TMOD1: variants seen among roughly 807,000 people sequenced by gnomAD.
The protein encoded by TMOD1 is tropomodulin-1.
In TMOD1, 17 loss-of-function variants were observed where a neutral mutation model predicts 40.6. The ratio of observed to expected loss-of-function variants is 0.42; its 90% CI spans 0.29 to 0.63. The LOEUF is 0.63. Among genes scored for constraint, TMOD1 ranks in the 20% least tolerant of loss-of-function variants. The pLI, the probability that TMOD1 is intolerant of heterozygous loss-of-function variation, is 0.22. For missense variants in TMOD1, 391 were observed against 447.6 expected (o/e 0.87, Z 1.14); for synonymous variants, 181 against 175.0 (o/e 1.03, Z -0.27).
chr9:97,505,193 C>T (rs1041556445), intron 1 of TMOD1, among the ~76,000 whole-genome samples: 3 of 152,098 alleles, frequency 2.0e-5, no homozygotes, highest in Admixed American at 6.5e-5. Context: ...CTCAAGCATG[C>T]CTTTTGTTTC....
chr9:97,553,924 T>A (rs531651042), intron 4 of TMOD1, among the ~76,000 whole-genome samples: 1 of 152,264 alleles, frequency 6.6e-6, no homozygotes, highest in Admixed American at 6.5e-5. Context: ...CTTCAAAAAC[T>A]ACCCCCAAAA....
In TMOD1 at chr9:97,600,085, T is replaced by G. The variant is rs933186435; in HGVS notation, c.*387T>G. Reference sequence around the variant, plus strand: ...AAACGGCACACTCTTCCACATGCTTTTGAAGTATTATAAAACACTTTATTA... The same window carrying G: ...AAACGGCACACTCTTCCACATGCTTGTGAAGTATTATAAAACACTTTATTA... On this transcript the variant is annotated 3_prime_UTR_variant, in exon 10 of 10. Transcript: ENST00000259365. The G allele has an allele frequency of 2.9e-5, 30 of 1,026,974 alleles. No homozygotes were observed. The highest frequency in any genetic ancestry group is 3.4e-5 in the Non-Finnish European group (29 of 852,768). 63.6% of individuals were successfully genotyped at this position (1,026,974 alleles called of 1,614,324 possible).
At chr9:97,530,587 A>G (rs564298057) in intron 2 of TMOD1, among the ~76,000 whole-genome samples, 79 of 150,228 alleles carry the variant, frequency 5.3e-4, no homozygotes, top group Admixed American at 2.1e-3. Flanking sequence ...TCCCGGGTCC[A>G]CGCCATTCTC....
At chr9:97,596,956 G>T (rs1256173026) in intron 9 of TMOD1, among the ~76,000 whole-genome samples, 1 of 152,190 alleles carries the variant, frequency 6.6e-6, no homozygotes, top group African/African-American at 2.4e-5. Flanking sequence ...TGTATATCTT[G>T]GTTCCTGTTA....
At chr9:97,556,885 G>C (rs911683886) in intron 4 of TMOD1, among the ~76,000 whole-genome samples, 1 of 152,144 alleles carries the variant, frequency 6.6e-6, no homozygotes, top group Non-Finnish European at 1.5e-5. Context: ...GAGCGGTTCC[G>C]GGCTGGGGAG....
At chr9:97,509,737 A>G (rs879812246) in intron 1 of TMOD1, among the ~76,000 whole-genome samples, 5 of 151,990 alleles carry the variant, frequency 3.3e-5, no homozygotes, top group African/African-American at 7.2e-5. Flanking sequence ...GGGTATACCA[A>G]TGTAACTTCT....
intron 2 of TMOD1, among the ~76,000 whole-genome samples, chr9:97,535,271 G>A (rs537334213): frequency 3.3e-5 from 5 of 152,212 alleles, no homozygotes; most frequent in Admixed American, 2.6e-4. Context: ...TGCTGGTCCC[G>A]GCAAGACTCA....
intron 1 of TMOD1, among the ~76,000 whole-genome samples, chr9:97,505,539 C>T (rs1211291011): frequency 6.6e-6 from 1 of 152,194 alleles, no homozygotes; most frequent in African/African-American, 2.4e-5. Flanking sequence ...CCTTCATAGA[C>T]TCATCGCTGC....
At chr9:97,533,558 C>A (rs1274018341) in intron 2 of TMOD1, among the ~76,000 whole-genome samples, 5 of 152,230 alleles carry the variant, frequency 3.3e-5, no homozygotes, top group Admixed American at 1.3e-4. Context: ...CCCTGACAGA[C>A]CACCTCCATA....
At chr9:97,572,804 A>G (rs1027940220) in intron 8 of TMOD1, among the ~76,000 whole-genome samples, 2 of 152,166 alleles carry the variant, frequency 1.3e-5, no homozygotes, top group African/African-American at 4.8e-5. Flanking sequence ...GCCCAGGGTG[A>G]CACGGAGCTG....
intron 9 of TMOD1, among the ~76,000 whole-genome samples, chr9:97,594,076 A>T (rs1328408629): frequency 1.3e-5 from 2 of 152,146 alleles, no homozygotes; most frequent in African/African-American, 4.8e-5. Context: ...GGGCCTGGCG[A>T]TGGAAGCAGG....
At position 97,564,099 on chromosome 9, in the gene TMOD1, A is replaced by G; in HGVS notation, c.549A>G (p.Val183=). The G allele has an allele frequency of 6.2e-7, 1 of 1,614,214 alleles. No individual in the cohort carries two copies. The highest frequency in any genetic ancestry group is 1.1e-5 in the South Asian group (1 of 91,086). Residue 183 remains valine, a synonymous_variant, in exon 6 of 10, where the codon GTA becomes GTG. Transcript: ENST00000259365. ...ACGAAGAACCAAATTCAACAGACGT[A>G]GAGGAAACGCTGGAACGGATAAAGA... is the stretch of plus-strand genomic sequence containing the variant. The part of the protein sequence containing the change: ...VPDEEPNSTD[V]EETLERIKNN...
At chr9:97,554,711 G>A (rs552325137) in intron 4 of TMOD1, among the ~76,000 whole-genome samples, 69 of 152,218 alleles carry the variant, frequency 4.5e-4, no homozygotes, top group Non-Finnish European at 9.0e-4. Flanking sequence ...AGACTCAGAG[G>A]CATGTAAGCC....
intron 8 of TMOD1, among the ~76,000 whole-genome samples, chr9:97,589,841 A>G (rs1459821892): frequency 6.6e-6 from 1 of 151,890 alleles, no homozygotes; most frequent in Non-Finnish European, 1.5e-5. Context: ...TCTGTCTTTT[A>G]CCTCCTGTTT....
intron 3 of TMOD1, among the ~76,000 whole-genome samples, chr9:97,546,826 GGCTGAGGCAGGAA>G (rs1830366992): frequency 1.3e-5 from 2 of 151,158 alleles, no homozygotes; most frequent in Non-Finnish European, 2.9e-5. Flanking sequence ...CTACTCAGGA[GGCTGAGGCAGGAA>G]AATCGCGTGA....
At chr9:97,523,424 GCC>G (rs1370895271) in intron 1 of TMOD1, among the ~76,000 whole-genome samples, 2 of 152,182 alleles carry the variant, frequency 1.3e-5, no homozygotes, top group African/African-American at 4.8e-5. Context: ...CCCTGGCCAC[GCC>G]ATTGGGTGAC....
At chr9:97,536,707 T>A (rs7875794) in intron 2 of TMOD1, among the ~76,000 whole-genome samples, 1 of 151,468 alleles carries the variant, frequency 6.6e-6, no homozygotes, top group African/African-American at 2.4e-5. Context: ...TGACTTCAAG[T>A]GAGGCCCCTC....
chr9:97,507,129 C>T (rs1163526206), intron 1 of TMOD1, among the ~76,000 whole-genome samples: 1 of 152,054 alleles, frequency 6.6e-6, no homozygotes. Context: ...TTCATTTGTG[C>T]CTTGGATCAA....
intron 1 of TMOD1, among the ~76,000 whole-genome samples, chr9:97,503,189 G>A (rs1454450922): frequency 6.6e-6 from 1 of 152,118 alleles, no homozygotes; most frequent in Non-Finnish European, 1.5e-5. Flanking sequence ...GGTCACACAG[G>A]GCCGGTCACG....
Sources: gnomAD v4.1 joint callset for allele counts (sites outside exome capture counted in the v4.1 genomes callset) on GRCh38, gnomAD v4.1.1 for gene constraint, MANE v1.5 for transcripts, NCBI Gene and HGNC (gene_info 2026-07-23, HGNC 2026-07-21) for gene names.